The following PRKCB variants were observed in gnomAD, a reference collection of about 807,000 sequenced individuals.
PRKCB encodes protein kinase C beta.
PRKCB carries 13 observed loss-of-function variants against 81.5 expected under a neutral mutation model. That is an observed-to-expected ratio of 0.16 (90% CI 0.10 to 0.25). The LOEUF is 0.25. Among genes scored for constraint, PRKCB ranks in the 10% least tolerant of loss-of-function variants. The pLI, the probability that PRKCB is intolerant of heterozygous loss-of-function variation, is 1.00. For synonymous variants in PRKCB, 335 were observed against 321.4 expected (o/e 1.04, Z -0.45); for missense variants, 509 against 875.7 (o/e 0.58, Z 5.29).
At chr16:23,879,252 G>A (rs921272631) in intron 2 of PRKCB, among the ~76,000 whole-genome samples, 35 of 152,172 alleles carry the variant, frequency 2.3e-4, no homozygotes, top group African/African-American at 8.2e-4. Context: ...TGTTTTGTGG[G>A]CACACAGGAA....
Position 24,215,522 on chromosome 16 carries a change from G to A in PRKCB, c.*706G>A, listed in dbSNP as rs1968212161. The A allele has an allele frequency of 1.0e-6, 1 of 985,656 alleles. No homozygotes were observed. Among genetic ancestry groups the A allele is most frequent in the Non-Finnish European group, 1.2e-6 (1 of 829,888 alleles). The allele number at this position is 985,656 out of a possible 1,614,324, so 61.1% of individuals were successfully genotyped here. On this transcript the variant is annotated 3_prime_UTR_variant, in exon 17 of 17. Coordinates refer to ENST00000643927, the MANE Select transcript of PRKCB (RefSeq NM_002738.7). ...CCCAAACTACTTGAAAAGGGCATTT[G>A]GCACCACTCTCTGAAACAACACAGT... is the stretch of plus-strand genomic sequence containing the variant.
intron 2 of PRKCB, among the ~76,000 whole-genome samples, chr16:23,950,182 A>T (rs887960337): frequency 6.8e-5 from 8 of 117,644 alleles, no homozygotes; most frequent in African/African-American, 2.6e-4. Flanking sequence ...TAGCGGCACC[A>T]GATGTGGGTG....
At chr16:23,882,025 C>CTTTCTTTCTTTCTCTCTTTCTTTCTTT (rs1597226197) in intron 2 of PRKCB, among the ~76,000 whole-genome samples, 2 of 18,328 alleles carry the variant, frequency 1.1e-4, no homozygotes, top group Non-Finnish European at 1.2e-4. Context: ...TTTCTTTCTT[C>CTTTCTTTCTTTCTCTCTTTCTTTCTTT]CTTCCTTCCT....
intron 9 of PRKCB, among the ~76,000 whole-genome samples, chr16:24,129,253 C>T (rs1378144712): frequency 6.6e-6 from 1 of 152,116 alleles, no homozygotes; most frequent in African/African-American, 2.4e-5. Context: ...ACCCCTGACT[C>T]TTGCCTATGG....
intron 3 of PRKCB, among the ~76,000 whole-genome samples, chr16:24,019,099 G>T (rs1158113705): frequency 6.6e-6 from 1 of 151,630 alleles, no homozygotes; most frequent in Admixed American, 6.6e-5. Context: ...AGTCTGTGCT[G>T]AGAAGTTTTA....
intron 5 of PRKCB, among the ~76,000 whole-genome samples, chr16:24,045,992 G>A (rs1435750208): frequency 1.3e-5 from 2 of 152,230 alleles, no homozygotes; most frequent in Non-Finnish European, 2.9e-5. Context: ...GCCAGGGCTG[G>A]AATCCTCTTT....
chr16:24,170,029 G>A (rs969257252), intron 10 of PRKCB, among the ~76,000 whole-genome samples: 1 of 152,124 alleles, frequency 6.6e-6, no homozygotes, highest in African/African-American at 2.4e-5. Flanking sequence ...AGATCTGCCC[G>A]CCTCAGTCTC....
intron 5 of PRKCB, among the ~76,000 whole-genome samples, chr16:24,061,925 A>AAC (rs1965979346): frequency 6.7e-6 from 1 of 149,758 alleles, no homozygotes; most frequent in Admixed American, 6.6e-5. Context: ...AAAAAAAAAA[A>AAC]AAAAAAAACT....
intron 2 of PRKCB, among the ~76,000 whole-genome samples, chr16:23,929,115 G>T (rs746718729): frequency 5.3e-5 from 8 of 152,066 alleles, no homozygotes; most frequent in Non-Finnish European, 1.2e-4. Flanking sequence ...AGAGGGTGCT[G>T]CATAAGAGAT....
chr16:23,951,749 T>A (rs1429869256), intron 2 of PRKCB, among the ~76,000 whole-genome samples: 1 of 151,842 alleles, frequency 6.6e-6, no homozygotes, highest in Non-Finnish European at 1.5e-5. Context: ...TAATTGATAG[T>A]AACTCTTTAT....
chr16:23,907,747 C>A (rs1963582845), intron 2 of PRKCB, among the ~76,000 whole-genome samples: 1 of 152,068 alleles, frequency 6.6e-6, no homozygotes, highest in African/African-American at 2.4e-5. Context: ...TGGAACCATA[C>A]CGGTCGACTC....
At chr16:23,902,688 C>A (rs553647349) in intron 2 of PRKCB, among the ~76,000 whole-genome samples, 4 of 150,960 alleles carry the variant, frequency 2.6e-5, no homozygotes, top group Non-Finnish European at 5.9e-5. Flanking sequence ...GATGATAATG[C>A]GTTCAGGAAC....
intron 13 of PRKCB, among the ~76,000 whole-genome samples, chr16:24,183,103 G>A (rs542753942): frequency 2.8e-4 from 43 of 151,850 alleles, no homozygotes; most frequent in African/African-American, 9.7e-4. Flanking sequence ...CTCGTGATCC[G>A]CCCGCCTCGG....
At chr16:24,043,378 C>A (rs1448994367) in intron 5 of PRKCB, among the ~76,000 whole-genome samples, 1 of 152,002 alleles carries the variant, frequency 6.6e-6, no homozygotes, top group Non-Finnish European at 1.5e-5. Flanking sequence ...CATTGAAGAG[C>A]AAAATGCCTT....
At chr16:23,940,372 C>A (rs1031125201) in intron 2 of PRKCB, among the ~76,000 whole-genome samples, 4 of 151,476 alleles carry the variant, frequency 2.6e-5, no homozygotes, top group African/African-American at 9.7e-5. Flanking sequence ...CTTAAAGGCT[C>A]ATACAAAAAC....
chr16:24,182,902 T>TGTGTGTGTGTGTGTGTGTGTGTGTG (rs56902454), intron 13 of PRKCB, among the ~76,000 whole-genome samples: 64 of 151,494 alleles, frequency 4.2e-4, no homozygotes, highest in South Asian at 1.0e-3. Context: ...TGTGTGTGTG[T>TGTGTGTGTGTGTGTGTGTGTGTGTG]TTGAGACAGG....
At chr16:23,888,731 TA>T (rs951827790) in intron 2 of PRKCB, among the ~76,000 whole-genome samples, 1 of 152,142 alleles carries the variant, frequency 6.6e-6, no homozygotes, top group African/African-American at 2.4e-5. Flanking sequence ...TCTTTTTCTG[TA>T]AGGAGTTATC....
chr16:23,996,527 C>T (rs1964958917), intron 3 of PRKCB, among the ~76,000 whole-genome samples: 1 of 152,234 alleles, frequency 6.6e-6, no homozygotes, highest in Admixed American at 6.5e-5. Context: ...TTACATTGGA[C>T]CCCTTCCATT....
At chr16:24,146,381 T>C (rs1966989265) in intron 9 of PRKCB, among the ~76,000 whole-genome samples, 1 of 152,212 alleles carries the variant, frequency 6.6e-6, no homozygotes, top group Non-Finnish European at 1.5e-5. Flanking sequence ...TGCACTAAGA[T>C]ACTTTATCCC....
Sources: allele counts gnomAD v4.1 joint callset (sites outside exome capture counted in the v4.1 genomes callset), GRCh38; gene constraint gnomAD v4.1.1; transcripts MANE v1.5; gene names NCBI Gene and HGNC (gene_info 2026-07-23, HGNC 2026-07-21).